The following MCCC2 variants were observed in gnomAD, a reference collection of about 807,000 sequenced individuals.
MCCC2 encodes the protein methylcrotonoyl-CoA carboxylase beta chain, mitochondrial.
Under a neutral mutation model 77.2 loss-of-function variants are expected in MCCC2, and 52 were observed. That is an observed-to-expected ratio of 0.67 (90% confidence interval 0.54 to 0.85). The LOEUF is 0.85. Among genes scored for constraint, MCCC2 ranks in the 40% least tolerant of loss-of-function variants. The probability of loss-of-function intolerance (pLI) is 0.00; values close to 1 mark genes in which losing one functional copy is unlikely to be tolerated. For missense variants in MCCC2, 682 were observed against 703.2 expected, an observed-to-expected ratio of 0.97 and a Z score of 0.34; for synonymous variants, 253 against 248.4, an observed-to-expected ratio of 1.02 and a Z score of -0.18.
chr5:71,613,376 TA>T lies in MCCC2; in HGVS notation c.624+8913del, dbSNP rs1746037164. 5.9e-5 allele frequency among the ~76,000 whole-genome samples: 9 copies of T among 152,366 alleles called. No individual in the cohort carries two copies. The South Asian group carries it at 1.9e-3, about 32-fold the overall frequency. ...TAAAGTGCTTTAAAATCAGATCTTT[TA>T]AAAATCAAAAGTGTACTTACTTCTT... is the stretch of plus-strand genomic sequence containing the variant. On this transcript the variant is annotated intron_variant, in intron 6 of 16. Coordinates refer to ENST00000340941, the MANE Select transcript of MCCC2 (RefSeq NM_022132.5).
At chr5:71,591,032 T>C (rs1481979847) in intron 1 of MCCC2, among the ~76,000 whole-genome samples, 1 of 152,220 alleles carries the variant, frequency 6.6e-6, no homozygotes, top group African/African-American at 2.4e-5. Flanking sequence ...CCTTGTTTTT[T>C]ATTTTCTGGA....
At chr5:71,611,822 T>C (rs1745958620) in intron 6 of MCCC2, among the ~76,000 whole-genome samples, 1 of 151,000 alleles carries the variant, frequency 6.6e-6, no homozygotes, top group Non-Finnish European at 1.5e-5. Context: ...GGAGTCTTGC[T>C]CTGTTGCCCA....
intron 10 of MCCC2, 53 bp downstream of exon 10, chr5:71,635,299 T>C (rs780294500): frequency 6.7e-7 from 1 of 1,483,988 alleles, no homozygotes; most frequent in South Asian, 1.1e-5. Flanking sequence ...TCTCTTTGTA[T>C]GTGTATCTAT....
At chr5:71,633,666 A>G (rs1017192969) in intron 8 of MCCC2, among the ~76,000 whole-genome samples, 6 of 152,042 alleles carry the variant, frequency 3.9e-5, no homozygotes, top group African/African-American at 1.4e-4. Context: ...TGACACAAAG[A>G]CTTATATATA....
chr5:71,611,354 G>A (rs1310064883), intron 6 of MCCC2, among the ~76,000 whole-genome samples: 1 of 151,528 alleles, frequency 6.6e-6, no homozygotes, highest in African/African-American at 2.4e-5. Flanking sequence ...GCGAGCTGTG[G>A]TTGCACCACT....
rs1434429033 is a variant in MCCC2, at chr5:71,624,852, C to T, written c.625-1788C>T. On this transcript the variant is annotated intron_variant, in intron 6 of 16. Coordinates refer to ENST00000340941, the MANE Select transcript of MCCC2 (RefSeq NM_022132.5). ...GGGTTTACAGGCATGCAGCACCACA[C>T]CCAATTAATTTTTGTTTTTTTAGTA... Among the ~76,000 whole-genome samples the T allele has an allele frequency of 1.3e-5, 2 of 151,852 alleles. 1 individual carries two copies. Among genetic ancestry groups the T allele is most frequent in the Non-Finnish European group, 2.9e-5 (2 of 68,002 alleles).
intron 4 of MCCC2, among the ~76,000 whole-genome samples, chr5:71,601,038 C>G (rs1745408876): frequency 6.6e-6 from 1 of 152,166 alleles, no homozygotes; most frequent in Admixed American, 6.5e-5. Flanking sequence ...GGGGTCAGTC[C>G]TACTTGAGCC....
chr5:71,643,895 G>C lies in MCCC2; in HGVS notation c.1149G>C (p.Lys383Asn). The part of the protein sequence containing the change: ...NGVLFSESAK[K>N]GTHFVQLCCQ... ...TTCTCTTTTCTGAATCTGCAAAAAA[G>C]GCAAGTACTGTTAAAAATATTTCAA... Residue 383 changes from lysine (K) to asparagine (N), a missense_variant and splice_region_variant, in exon 12 of 17, where the codon AAG becomes AAC. Coordinates refer to ENST00000340941, the MANE Select transcript of MCCC2 (RefSeq NM_022132.5). The C allele has an allele frequency of 6.2e-7, 1 of 1,613,884 alleles. No individual in the cohort carries two copies. The highest frequency in any genetic ancestry group is 8.5e-7 in the Non-Finnish European group (1 of 1,179,940).
chr5:71,628,622 T>G (rs1241546311), intron 7 of MCCC2, among the ~76,000 whole-genome samples: 1 of 152,224 alleles, frequency 6.6e-6, no homozygotes, highest in Non-Finnish European at 1.5e-5. Context: ...CCAGCATCAT[T>G]AGTTGAAAGG....
At chr5:71,628,574 G>A (rs1746610794) in intron 7 of MCCC2, among the ~76,000 whole-genome samples, 1 of 152,132 alleles carries the variant, frequency 6.6e-6, no homozygotes, top group Non-Finnish European at 1.5e-5. Flanking sequence ...GATAAGGAAG[G>A]GCTCCAGCAT....
chr5:71,649,811 G>C (rs1165697437), intron 14 of MCCC2, among the ~76,000 whole-genome samples: 1 of 152,200 alleles, frequency 6.6e-6, no homozygotes, highest in Non-Finnish European at 1.5e-5. Context: ...CATGACTGTA[G>C]ATCATGAGAG....
intron 6 of MCCC2, 90 bp downstream of exon 6, chr5:71,604,558 A>C: frequency 1.1e-6 from 1 of 943,712 alleles, no homozygotes; most frequent in East Asian, 2.5e-5. Flanking sequence ...TGAAAGTAAA[A>C]CAGAATTTAA....
rs1476719287 is a variant in MCCC2 at position 71,624,656 on chromosome 5, C to T, written c.625-1984C>T. Among the ~76,000 whole-genome samples the T allele has an allele frequency of 9.3e-5, 14 of 150,156 alleles. No individual in the cohort carries two copies. The South Asian group carries it at 1.3e-3, about 14-fold the overall frequency. On this transcript the variant is annotated intron_variant, in intron 6 of 16. Transcript: ENST00000340941. ...CCTCCCAAAGTGCTGGGATTACAGG[C>T]GTGAGCTACCACACCCAGCCCCTGC...
chr5:71,637,229 A>T (rs995154022), intron 10 of MCCC2, among the ~76,000 whole-genome samples: 4 of 152,216 alleles, frequency 2.6e-5, no homozygotes, highest in Non-Finnish European at 4.4e-5. Flanking sequence ...AACCTCATAG[A>T]GTCAACAATT....
chr5:71,639,966 TG>T (rs1400022260), intron 10 of MCCC2, among the ~76,000 whole-genome samples: 1 of 152,230 alleles, frequency 6.6e-6, no homozygotes, highest in Non-Finnish European at 1.5e-5. Flanking sequence ...TTTTGATTGA[TG>T]TGGCAGACAG....
intron 5 of MCCC2, among the ~76,000 whole-genome samples, chr5:71,603,541 T>C (rs1388870777): frequency 6.6e-6 from 1 of 152,176 alleles, no homozygotes; most frequent in African/African-American, 2.4e-5. Flanking sequence ...ATTTTTTGTT[T>C]TGTGTTTTTC....
chr5:71,600,845 C>T (rs1443068983), intron 4 of MCCC2, among the ~76,000 whole-genome samples: 3 of 152,172 alleles, frequency 2.0e-5, no homozygotes, highest in African/African-American at 4.8e-5. Flanking sequence ...TGTTTCTAGG[C>T]AGCCTCTCTA....
chr5:71,609,903 C>G (rs1456079009), intron 6 of MCCC2, among the ~76,000 whole-genome samples: 8 of 152,106 alleles, frequency 5.3e-5, no homozygotes, highest in South Asian at 2.1e-4. Context: ...CAGGGACCCA[C>G]TTGAGGAGGC....
At chr5:71,587,961 A>G (rs1459830920) in intron 1 of MCCC2, among the ~76,000 whole-genome samples, 1 of 152,064 alleles carries the variant, frequency 6.6e-6, no homozygotes, top group Non-Finnish European at 1.5e-5. Flanking sequence ...TGCTTAGGAA[A>G]TTTGAGTTTA....
Sources: gnomAD v4.1 joint callset for allele counts (sites outside exome capture counted in the v4.1 genomes callset) on GRCh38, gnomAD v4.1.1 for gene constraint, MANE v1.5 for transcripts, NCBI Gene and HGNC (gene_info 2026-07-23, HGNC 2026-07-21) for gene names.